Variants in CNGB1 observed in about 807,000 individuals in gnomAD.
CNGB1 encodes the protein cyclic nucleotide-gated channel beta-1.
Under a neutral mutation model 151.7 loss-of-function variants are expected in CNGB1, and 126 were observed. The ratio of observed to expected loss-of-function variants is 0.83; its 90% CI spans 0.72 to 0.96. The LOEUF is 0.96. Ranked by LOEUF, CNGB1 falls within the 40% of genes least tolerant of loss-of-function variation. The probability of loss-of-function intolerance (pLI) is 0.00; values close to 1 mark genes in which losing one functional copy is unlikely to be tolerated. For missense variants in CNGB1, 1,698 were observed against 1,627.0 expected, an observed-to-expected ratio of 1.04 and a Z score of -0.75; for synonymous variants, 623 against 635.1, an observed-to-expected ratio of 0.98 and a Z score of 0.29.
At chr16:57,964,599 A>G in intron 2 of CNGB1, 55 bp from the exon 3 acceptor site, 1 of 1,587,366 alleles carries the variant, frequency 6.3e-7, no homozygotes, top group Admixed American at 1.7e-5. Flanking sequence ...CCTGGTTTGG[A>G]CAGGGGCAGC....
rs1462119709 is a variant in CNGB1, at chr16:57,962,556, G to A, written c.458+9C>T. 2 of 1,612,626 alleles carry A rather than the reference G, an allele frequency of 1.2e-6. No individual in the cohort carries two copies. Among genetic ancestry groups the A allele is most frequent in the Non-Finnish European group, 1.7e-6 (2 of 1,178,622 alleles). ...CAGACAACAGTGACACTCAGGGATAGGGACTCACCTAGTGTCTTGGGCCTC... is the reference window on the plus strand; with the variant it reads ...CAGACAACAGTGACACTCAGGGATAAGGACTCACCTAGTGTCTTGGGCCTC... On this transcript the variant is annotated intron_variant, in intron 7 of 32. Transcript: ENST00000251102.
At chr16:57,951,437 G>A (rs1382654515) in intron 12 of CNGB1, among the ~76,000 whole-genome samples, 1 of 152,096 alleles carries the variant, frequency 6.6e-6, no homozygotes. Flanking sequence ...CCTCAGCCTC[G>A]ACCTCCTGGG....
At chr16:57,963,866 G>T (rs1962323564) in intron 4 of CNGB1, 2 of 551,322 alleles carry the variant, frequency 3.6e-6, no homozygotes, top group African/African-American at 1.9e-5. Context: ...GTGAAGGAAT[G>T]AATGAATAGG....
At chr16:57,919,321 G>A (rs1960965745) in intron 19 of CNGB1, 67 bp from the exon 20 acceptor site, 1 of 1,611,926 alleles carries the variant, frequency 6.2e-7, no homozygotes, top group African/African-American at 1.3e-5. Context: ...CAGAGAGAAG[G>A]GTCCCAACTG....
Position 57,887,917 on chromosome 16 carries a change from C to T in CNGB1, c.3400G>A (p.Ala1134Thr). The change falls in exon 32 of 33, where the codon GCC (alanine) becomes ACC (threonine). Residue 1134 changes from alanine to threonine, a missense_variant. Ala to Thr is a moderately conservative substitution (Grantham distance 58, BLOSUM62 0). Coordinates refer to ENST00000251102, the MANE Select transcript of CNGB1 (RefSeq NM_001297.5). The part of the protein sequence containing the change: ...AKGGKLAHLR[A>T]RLKELAALEA... ...AGCGCGGCCAGTTCTTTGAGCCGGG[C>T]CCGGAGGTGAGCAAGTTTGCCGCCT... The T allele has an allele frequency of 1.2e-6, 2 of 1,614,188 alleles. No individual in the cohort carries two copies. The highest frequency in any genetic ancestry group is 1.1e-5 in the South Asian group (1 of 91,086).
Position 57,920,545 on chromosome 16 carries a change from C to G in CNGB1, c.1644-1G>C. On this transcript the variant is annotated splice_acceptor_variant, in intron 18 of 32. Transcript: ENST00000251102. LOFTEE classifies it high-confidence loss of function. ...CGTGGAGGCCGCACGGTCCTGGCCACTGTGGGAACATCACCCAAAGCTGAG... is the reference window on the plus strand; with the variant it reads ...CGTGGAGGCCGCACGGTCCTGGCCAGTGTGGGAACATCACCCAAAGCTGAG... 1 of 1,612,134 alleles carries G rather than the reference C, an allele frequency of 6.2e-7. No homozygotes were observed.
chr16:57,909,173 T>TG (rs1408020422), intron 25 of CNGB1, among the ~76,000 whole-genome samples: 8 of 151,944 alleles, frequency 5.3e-5, no homozygotes, highest in African/African-American at 1.9e-4. Context: ...GAGACTGAGG[T>TG]GGGGGGATCA....
intron 22 of CNGB1, 120 bp downstream of exon 22, chr16:57,916,009 A>G: frequency 1.0e-6 from 1 of 953,214 alleles, no homozygotes; most frequent in Non-Finnish European, 1.7e-6. Context: ...TCCCACAGGG[A>G]CCAGCATCCC....
chr16:57,955,563 C>A (rs1198435710), intron 12 of CNGB1, among the ~76,000 whole-genome samples: 1 of 152,170 alleles, frequency 6.6e-6, no homozygotes, highest in Non-Finnish European at 1.5e-5. Flanking sequence ...GTCCTAACCC[C>A]ATTACTTGTG....
intron 27 of CNGB1, among the ~76,000 whole-genome samples, chr16:57,902,263 G>T (rs543802495): frequency 1.3e-5 from 2 of 151,908 alleles, no homozygotes; most frequent in South Asian, 4.2e-4. Context: ...TAGAAACGGG[G>T]TTTCACCATG....
intron 9 of CNGB1, 58 bp from the exon 10 acceptor site, chr16:57,960,123 C>G: frequency 6.5e-7 from 1 of 1,532,366 alleles, no homozygotes; most frequent in Non-Finnish European, 8.7e-7. Flanking sequence ...TTCCTCCAAC[C>G]CCTCAAGGGC....
At chr16:57,893,018 C>G (rs977037100) in intron 31 of CNGB1, among the ~76,000 whole-genome samples, 1 of 152,154 alleles carries the variant, frequency 6.6e-6, no homozygotes, top group Non-Finnish European at 1.5e-5. Context: ...CCTCCTGTGT[C>G]CCCAGAACTC....
chr16:57,925,714 G>T (rs963527526), intron 17 of CNGB1, among the ~76,000 whole-genome samples: 1 of 151,824 alleles, frequency 6.6e-6, no homozygotes, highest in Non-Finnish European at 1.5e-5. Flanking sequence ...TTGAGATGGA[G>T]TCTCGCTCTG....
intron 25 of CNGB1, among the ~76,000 whole-genome samples, chr16:57,906,867 C>T (rs919319999): frequency 2.0e-5 from 3 of 152,064 alleles, no homozygotes; most frequent in Admixed American, 6.5e-5. Flanking sequence ...CTGTGGGGAC[C>T]ATCTGTGCTT....
rs370767664 is a variant in CNGB1 at position 57,904,854 on chromosome 16, A to G, written c.2514T>C (p.Phe838=). ...CGATGGTGATGAGGGTCTTCACAGC[A>G]AAGTAGTAACAGCGAATATAACTGG... is the stretch of plus-strand genomic sequence containing the variant. ...VGNSYIRCYY[F]AVKTLITIGG... Residue 838 remains phenylalanine, a synonymous_variant, in exon 26 of 33, where the codon TTT becomes TTC. Coordinates refer to ENST00000251102, the MANE Select transcript of CNGB1 (RefSeq NM_001297.5). 3.1e-3 allele frequency: 5,020 copies of G among 1,614,198 alleles called. 177 individuals carry two copies. The South Asian group carries it at 0.05, about 16-fold the overall frequency.
At chr16:57,911,303 T>C (rs1313667873) in intron 25 of CNGB1, among the ~76,000 whole-genome samples, 1 of 152,148 alleles carries the variant, frequency 6.6e-6, no homozygotes, top group East Asian at 1.9e-4. Flanking sequence ...CTATTTTTAT[T>C]TTTTGAGATG....
chr16:57,897,992 C>T, intron 29 of CNGB1, 78 bp from the exon 30 acceptor site: 1 of 1,497,136 alleles, frequency 6.7e-7, no homozygotes, highest in Non-Finnish European at 9.3e-7. Flanking sequence ...GATCCAGAGG[C>T]TGGAGGTCCG....
rs367768489 is a variant in CNGB1 at position 57,904,888 on chromosome 16, G to C, written c.2493-13C>G. ...ACAGCGAATATAACTGGAGAGAGAG[G>C]AGAAAGGGAACATGGGTCATCACAG... On this transcript the variant is annotated splice_polypyrimidine_tract_variant and intron_variant, in intron 25 of 32. Transcript: ENST00000251102. 8.1e-6 allele frequency: 13 copies of C among 1,614,014 alleles called. No homozygotes were observed. Among genetic ancestry groups the C allele is most frequent in the Admixed American group, 1.7e-5 (1 of 59,996 alleles).
chr16:57,957,250 G>C (rs1207608703), intron 12 of CNGB1, 91 bp downstream of exon 12: 1 of 1,283,992 alleles, frequency 7.8e-7, no homozygotes, highest in East Asian at 2.3e-5. Context: ...TCTGGCCAGG[G>C]ACAGCCCCCC....
Sources: allele counts gnomAD v4.1 joint callset (sites outside exome capture counted in the v4.1 genomes callset), GRCh38; gene constraint gnomAD v4.1.1; transcripts MANE v1.5; gene names NCBI Gene and HGNC (gene_info 2026-07-23, HGNC 2026-07-21).